The following CAST variants were observed in gnomAD, a reference collection of about 807,000 sequenced individuals.
CAST encodes the protein calpastatin, also known as MIR583 host.
A neutral mutation model predicts 119.6 loss-of-function variants in CAST; 76 were observed. That is an observed-to-expected ratio of 0.64 (90% confidence interval 0.53 to 0.77). The LOEUF is 0.77. CAST is among the 30% of genes least tolerant of loss of function. The pLI is 0.00. For missense variants in CAST, 953 were observed against 946.5 expected, an observed-to-expected ratio of 1.01 and a Z score of -0.09; for synonymous variants, 319 against 331.6, an observed-to-expected ratio of 0.96 and a Z score of 0.41.
the CAST span, among the ~76,000 whole-genome samples, chr5:96,412,726 C>CCATG: frequency 5.5e-5 from 8 of 146,142 alleles, no homozygotes; most frequent in Admixed American, 4.7e-4. Flanking sequence ...CTATGCAATA[C>CCATG]CATGCACTGT....
intron 1 of CAST, among the ~76,000 whole-genome samples, chr5:96,593,741 A>G (rs1408612601): frequency 6.6e-6 from 1 of 152,198 alleles, no homozygotes; most frequent in African/African-American, 2.4e-5. Context: ...GGGATCCCAG[A>G]GAGAGCTCTC....
intron 1 of CAST, among the ~76,000 whole-genome samples, chr5:96,649,413 C>T (rs543492899): frequency 1.2e-4 from 18 of 152,258 alleles, no homozygotes; most frequent in South Asian, 1.0e-3. Flanking sequence ...TCACATAAGT[C>T]GAATAATGAG....
chr5:96,207,721 G>T, the CAST span, among the ~76,000 whole-genome samples: 3 of 151,974 alleles, frequency 2.0e-5, no homozygotes, highest in Non-Finnish European at 4.4e-5. Flanking sequence ...GAGGATTTTT[G>T]CATCTATGTT....
At chr5:95,988,682 C>T in the CAST span, among the ~76,000 whole-genome samples, 1 of 152,100 alleles carries the variant, frequency 6.6e-6, no homozygotes, top group African/African-American at 2.4e-5. Flanking sequence ...GGTTTCTTTA[C>T]CTTTCTAAGT....
chr5:96,372,138 C>T, the CAST span, among the ~76,000 whole-genome samples: 1 of 152,202 alleles, frequency 6.6e-6, no homozygotes, highest in Non-Finnish European at 1.5e-5. Context: ...TAAGTAAGTT[C>T]TCACAGGTAG....
the CAST span, among the ~76,000 whole-genome samples, chr5:96,341,274 G>T: frequency 2.6e-5 from 4 of 152,000 alleles, no homozygotes; most frequent in Admixed American, 2.6e-4. Flanking sequence ...CTTAAAAAAT[G>T]TTACTCTAGA....
At chr5:96,272,690 G>A in the CAST span, among the ~76,000 whole-genome samples, 1 of 152,148 alleles carries the variant, frequency 6.6e-6, no homozygotes, top group Non-Finnish European at 1.5e-5. Context: ...TGATAGATCA[G>A]TAGGGTGACT....
intron 1 of CAST, among the ~76,000 whole-genome samples, chr5:96,581,686 C>T (rs774308973): frequency 9.2e-5 from 14 of 152,040 alleles, no homozygotes; most frequent in Admixed American, 4.6e-4. Context: ...GTCAGGAGAT[C>T]GAGACCATCC....
At chr5:95,981,339 G>A in the CAST span, among the ~76,000 whole-genome samples, 1 of 152,208 alleles carries the variant, frequency 6.6e-6, no homozygotes, top group East Asian at 1.9e-4. Flanking sequence ...TGGGCCTCCA[G>A]AACAACTTCT....
chr5:96,767,983 C>T lies in CAST; in HGVS notation c.2252C>T (p.Ser751Leu). Residue 751 changes from serine to leucine, a missense_variant, in exon 29 of 32, where the codon TCA (serine) becomes TTA (leucine). Physicochemically the swap from Ser to Leu is moderately radical, Grantham distance 145. Coordinates refer to ENST00000675179, the MANE Select transcript of CAST (RefSeq NM_001750.7). Reference protein sequence around the residue: ...LDSCPSTTETSQNTAKDKCKK... With the variant: ...LDSCPSTTETLQNTAKDKCKK... ...AGCTGTCCCTCCACTACAGAAACCTCACAGAACACAGCAAAGGTACTGTGC... is the reference window on the plus strand; with the variant it reads ...AGCTGTCCCTCCACTACAGAAACCTTACAGAACACAGCAAAGGTACTGTGC... The T allele has an allele frequency of 6.2e-7, 1 of 1,610,540 alleles. No homozygotes were observed.
chr5:96,364,863 T>C, the CAST span, among the ~76,000 whole-genome samples: 5 of 152,230 alleles, frequency 3.3e-5, no homozygotes, highest in African/African-American at 4.8e-5. Flanking sequence ...TGCCTTCTGC[T>C]AGCTTTTGAA....
the CAST span, among the ~76,000 whole-genome samples, chr5:96,405,685 A>G: frequency 6.6e-6 from 1 of 152,296 alleles, no homozygotes; most frequent in Non-Finnish European, 1.5e-5. Flanking sequence ...AGAAAAAGAA[A>G]AGGAAAGGAT....
chr5:96,027,086 G>T, the CAST span, among the ~76,000 whole-genome samples: 3 of 152,104 alleles, frequency 2.0e-5, no homozygotes, highest in Non-Finnish European at 4.4e-5. Context: ...GGGTGTGGTG[G>T]CACATGCCTG....
the CAST span, among the ~76,000 whole-genome samples, chr5:96,285,991 C>T: frequency 6.6e-5 from 10 of 152,268 alleles, no homozygotes; most frequent in African/African-American, 2.4e-4. Flanking sequence ...GGGGTGGACA[C>T]AATTGAATTA....
chr5:96,325,382 TTTC>T, the CAST span, among the ~76,000 whole-genome samples: 1 of 147,160 alleles, frequency 6.8e-6, no homozygotes, highest in Non-Finnish European at 1.5e-5. Flanking sequence ...TTCTTTCTTC[TTTC>T]TTTCTTTCTT....
upstream of CAST, among the ~76,000 whole-genome samples, chr5:96,661,082 C>A (rs537900042): frequency 4.0e-5 from 6 of 151,852 alleles, no homozygotes; most frequent in African/African-American, 1.4e-4. Context: ...GAATTCTGTT[C>A]TGCCAGGCTC....
chr5:96,322,384 C>A, the CAST span, among the ~76,000 whole-genome samples: 5 of 152,138 alleles, frequency 3.3e-5, no homozygotes, highest in Non-Finnish European at 5.9e-5. Context: ...ATGAACTTTA[C>A]CTCCTGCCTC....
the CAST span, among the ~76,000 whole-genome samples, chr5:96,446,179 C>CAA: frequency 0.26 from 29,241 of 113,804 alleles, 3,209 homozygotes; most frequent in South Asian, 0.37. Context: ...TTTTAGTGTA[C>CAA]AAAAAAAAAA....
At chr5:96,616,526 T>G (rs987074842) in intron 1 of CAST, among the ~76,000 whole-genome samples, 2 of 152,148 alleles carry the variant, frequency 1.3e-5, no homozygotes, top group African/African-American at 2.4e-5. Context: ...TTAACTTGCA[T>G]GTATCATCAC....
Sources: allele counts gnomAD v4.1 joint callset (sites outside exome capture counted in the v4.1 genomes callset), GRCh38; gene constraint gnomAD v4.1.1; transcripts MANE v1.5; gene names NCBI Gene and HGNC (gene_info 2026-07-23, HGNC 2026-07-21).